Variants in FRRS1 observed in about 807,000 individuals in gnomAD.
The protein encoded by FRRS1 is ferric reductase 1.
In FRRS1, 51 loss-of-function variants were observed where a neutral mutation model predicts 70.7. The observed-to-expected ratio is 0.72, with a 90% CI of 0.58 to 0.91. The LOEUF (loss-of-function observed/expected upper bound fraction) is 0.91. FRRS1 is among the 40% of genes least tolerant of loss of function. The pLI, the probability that FRRS1 is intolerant of heterozygous loss-of-function variation, is 0.00. For missense variants in FRRS1, 672 were observed against 726.0 expected (o/e 0.93, Z 0.86); for synonymous variants, 225 against 238.7 (o/e 0.94, Z 0.53).
intron 7 of FRRS1, among the ~76,000 whole-genome samples, chr1:99,733,479 A>T (rs1655495401): frequency 6.6e-6 from 1 of 152,258 alleles, no homozygotes. Flanking sequence ...AATGGAGAAC[A>T]TCTTGTTACA....
intron 9 of FRRS1, among the ~76,000 whole-genome samples, chr1:99,719,902 T>C (rs115038423): frequency 0.016 from 2,432 of 152,196 alleles, 51 homozygotes; most frequent in Non-Finnish European, 0.02. Flanking sequence ...GGAGAATGTA[T>C]AGTAAAAGAA....
chr1:99,706,664 C>T lies in FRRS1; in HGVS notation c.*2364G>A, dbSNP rs539713767. 3.9e-5 allele frequency among the ~76,000 whole-genome samples: 6 copies of T among 152,136 alleles called. No individual in the cohort carries two copies. The highest frequency in any genetic ancestry group is 3.3e-4 in the Admixed American group (5 of 15,292). ...ATCCCAGCACTTTGGGAGGCTGAGG[C>T]GGGTGGATTACTTTAGACCAGGAGT... On this transcript the variant is annotated 3_prime_UTR_variant, in exon 17 of 17. Transcript: ENST00000646001.
chr1:99,727,402 A>G (rs1399351813), intron 9 of FRRS1, among the ~76,000 whole-genome samples: 1 of 152,230 alleles, frequency 6.6e-6, no homozygotes, highest in Non-Finnish European at 1.5e-5. Flanking sequence ...TACATGTATC[A>G]CCTATATCTA....
chr1:99,733,643 C>T (rs567244622), intron 7 of FRRS1, among the ~76,000 whole-genome samples: 4 of 152,222 alleles, frequency 2.6e-5, no homozygotes, highest in Admixed American at 2.6e-4. Flanking sequence ...ACAAAAGAAA[C>T]CCATTAGTCC....
At chr1:99,744,331 G>T (rs894168293) in intron 4 of FRRS1, among the ~76,000 whole-genome samples, 1 of 152,156 alleles carries the variant, frequency 6.6e-6, no homozygotes, top group Non-Finnish European at 1.5e-5. Flanking sequence ...ACCAGCAAAG[G>T]ATAGTTTGAT....
chr1:99,716,278 G>A (rs570672599), intron 11 of FRRS1, among the ~76,000 whole-genome samples: 3 of 152,296 alleles, frequency 2.0e-5, no homozygotes, highest in African/African-American at 7.2e-5. Context: ...ATGGCTGGAT[G>A]GATAGATGGG....
chr1:99,711,066 G>T (rs1055414692), intron 14 of FRRS1, 117 bp from the exon 15 acceptor site: 2 of 869,138 alleles, frequency 2.3e-6, no homozygotes, highest in Non-Finnish European at 3.4e-6. Context: ...GATAAAAGAA[G>T]ATTAATATCT....
chr1:99,765,153 T>C (rs1449777047), intron 1 of FRRS1: 3 of 152,212 alleles, frequency 2.0e-5, no homozygotes, highest in Non-Finnish European at 4.4e-5. Flanking sequence ...AAAATCAACA[T>C]ACTGGCTAAC....
rs76965331 is a variant in FRRS1, at chr1:99,729,665, A to C, written c.843T>G (p.Pro281=). The change falls in exon 8 of 17, where the codon CCT becomes CCG. Residue 281 remains proline (P), a synonymous_variant. Coordinates refer to ENST00000646001, the MANE Select transcript of FRRS1 (RefSeq NM_001361041.2). The part of the protein sequence containing the change: ...QPSHLTGRSH[P]VMDSRDTLED... Reference sequence around the variant, plus strand: ...TCACACCTACCCTGGAGTCCATTACAGGGTGACTTCGCCCCGTTAAATGGG... The same window carrying C: ...TCACACCTACCCTGGAGTCCATTACCGGGTGACTTCGCCCCGTTAAATGGG... 6.0e-5 allele frequency: 96 copies of C among 1,611,104 alleles called. No individual in the cohort carries two copies. The African/African-American group carries it at 1.2e-3, about 19-fold the overall frequency.
At chr1:99,726,002 T>C (rs1655065004) in intron 9 of FRRS1, among the ~76,000 whole-genome samples, 2 of 152,198 alleles carry the variant, frequency 1.3e-5, no homozygotes, top group Admixed American at 6.5e-5. Flanking sequence ...GGCACTGATA[T>C]AGTTTGGGTC....
intron 1 of FRRS1, among the ~76,000 whole-genome samples, chr1:99,753,601 A>T (rs1656682762): frequency 6.7e-6 from 1 of 149,986 alleles, no homozygotes; most frequent in South Asian, 2.1e-4. Flanking sequence ...CCCCATCTCT[A>T]CTAAAAAAAT....
Position 99,747,492 on chromosome 1 carries a change from G to C in FRRS1, c.197-62C>G, listed in dbSNP as rs558989045. On this transcript the variant is annotated intron_variant, in intron 3 of 16. Coordinates refer to ENST00000646001, the MANE Select transcript of FRRS1 (RefSeq NM_001361041.2). ...GTAATATCAAAAAAAAATGTTTAGA[G>C]GTTGTACATTACAATTACAATGAGG... 238 of 1,491,948 alleles carry C rather than the reference G, an allele frequency of 1.6e-4. No individual in the cohort carries two copies. In the African/African-American group the frequency reaches 3.1e-3, roughly 19 times the overall value. The allele number at this position is 1,491,948 out of a possible 1,614,324, so 92.4% of individuals were successfully genotyped here. A position where few individuals can be genotyped will look rare whatever the true frequency, so the allele number is the denominator to read the frequency against.
chr1:99,748,827 T>G, intron 2 of FRRS1, 59 bp from the exon 3 acceptor site: 1 of 1,289,534 alleles, frequency 7.8e-7, no homozygotes, highest in Non-Finnish European at 1.1e-6. Context: ...TAAAAGCTTT[T>G]ACACAACTGG....
chr1:99,728,162 C>A (rs1036339301), intron 9 of FRRS1, among the ~76,000 whole-genome samples: 1 of 152,242 alleles, frequency 6.6e-6, no homozygotes, highest in Non-Finnish European at 1.5e-5. Context: ...AGGTCCCCTG[C>A]AATGTTAATC....
In FRRS1 at chr1:99,708,660, ATATC is replaced by A. The variant is rs1373372010; in HGVS notation, c.*364_*367del. On this transcript the variant is annotated 3_prime_UTR_variant, in exon 17 of 17. Coordinates refer to ENST00000646001, the MANE Select transcript of FRRS1 (RefSeq NM_001361041.2). ...TATATATATATATATATATATATAT[ATATC>A]GTAATATATCTCTTTATTATCCTAG... 3 of 137,788 alleles carry A rather than the reference ATATC, an allele frequency of 2.2e-5. No individual in the cohort carries two copies. The highest frequency in any genetic ancestry group is 1.9e-4 in the South Asian group (1 of 5,288). 8.5% of individuals were successfully genotyped at this position (137,788 alleles called of 1,614,324 possible).
In FRRS1 at chr1:99,753,685, T is replaced by C. The variant is rs979651639; in HGVS notation, c.-105-4684A>G. Among the ~76,000 whole-genome samples the C allele has an allele frequency of 2.0e-5, 3 of 151,732 alleles. No individual in the cohort carries two copies. In the East Asian group the frequency reaches 5.8e-4, roughly 30 times the overall value. ...TACTCAGGAGGCTGAGGCAAGAGAATGGCGTGAACCCAGGAGGCAGAGCTT... is the reference window on the plus strand; with the variant it reads ...TACTCAGGAGGCTGAGGCAAGAGAACGGCGTGAACCCAGGAGGCAGAGCTT... On this transcript the variant is annotated intron_variant, in intron 1 of 16. Coordinates refer to ENST00000646001, the MANE Select transcript of FRRS1 (RefSeq NM_001361041.2).
intron 15 of FRRS1, 93 bp downstream of exon 15, chr1:99,710,713 G>A: frequency 1.9e-6 from 2 of 1,075,214 alleles, no homozygotes; most frequent in Non-Finnish European, 2.7e-6. Context: ...AGCTAACAAT[G>A]TAGCAGTCAG....
At chr1:99,745,407 G>T (rs189107980) in intron 4 of FRRS1, among the ~76,000 whole-genome samples, 1 of 152,138 alleles carries the variant, frequency 6.6e-6, no homozygotes, top group African/African-American at 2.4e-5. Context: ...TCTTTTGGCC[G>T]GCACGGTGGG....
chr1:99,722,984 A>G (rs548376776), intron 9 of FRRS1, among the ~76,000 whole-genome samples: 1 of 152,382 alleles, frequency 6.6e-6, no homozygotes, highest in East Asian at 1.9e-4. Flanking sequence ...ATAATGAATA[A>G]CTTTCCTATA....
Sources: allele counts gnomAD v4.1 joint callset (sites outside exome capture counted in the v4.1 genomes callset), GRCh38; gene constraint gnomAD v4.1.1; transcripts MANE v1.5; gene names NCBI Gene and HGNC (gene_info 2026-07-23, HGNC 2026-07-21).